The following NACC2 variants were observed in gnomAD, a reference collection of about 807,000 sequenced individuals.
NACC2 encodes NACC family member 2, also known as nucleus accumbens-associated protein 2.
A neutral mutation model predicts 25.1 loss-of-function variants in NACC2; 8 were observed. The ratio of observed to expected loss-of-function variants is 0.32; its 90% CI spans 0.19 to 0.57. NACC2 has a LOEUF of 0.57. Ranked by LOEUF, NACC2 falls within the 20% of genes least tolerant of loss-of-function variation. The probability of loss-of-function intolerance (pLI) is 0.89; values close to 1 mark genes in which losing one functional copy is unlikely to be tolerated. For synonymous variants in NACC2, 435 were observed against 294.7 expected (o/e 1.48, Z -4.88); for missense variants, 644 against 650.2 (o/e 0.99, Z 0.10).
At chr9:136,054,751 G>A (rs1840899552) in intron 1 of NACC2, among the ~76,000 whole-genome samples, 1 of 151,964 alleles carries the variant, frequency 6.6e-6, no homozygotes, top group African/African-American at 2.4e-5. Context: ...TCCCCTTCTC[G>A]GTGAGATTCA....
In NACC2 at chr9:136,086,495, G is replaced by A. The variant is rs1416144141; in HGVS notation, c.-60+8694C>T. Reference sequence around the variant, plus strand: ...CTGGCTTGGTGTGGGCCCCAGGGACGTCGCATGCCCCCAGCTTCCCGACAG... The same window carrying A: ...CTGGCTTGGTGTGGGCCCCAGGGACATCGCATGCCCCCAGCTTCCCGACAG... On this transcript the variant is annotated intron_variant, in intron 1 of 5. Coordinates refer to ENST00000277554, the MANE Select transcript of NACC2 (RefSeq NM_144653.5). The surrounding 1 kb of genome is among the most constrained non-coding windows in gnomAD (Gnocchi z 5.6). 2.6e-5 allele frequency among the ~76,000 whole-genome samples: 4 copies of A among 152,074 alleles called. No homozygotes were observed. The highest frequency in any genetic ancestry group is 6.6e-5 in the Admixed American group (1 of 15,260).
chr9:136,012,132 TG>T, intron 5 of NACC2, 108 bp from the exon 6 acceptor site: 1 of 1,341,362 alleles, frequency 7.5e-7, no homozygotes, highest in Non-Finnish European at 9.8e-7. Context: ...CGGCCGCTCC[TG>T]GGGCCCATGT....
chr9:136,049,693 T>C lies in NACC2; in HGVS notation c.829A>G (p.Thr277Ala), dbSNP rs1840786455. The part of the protein sequence containing the change: ...EDEEDDEAYD[T>A]MVEEQYGQMY... The stretch of plus-strand genomic sequence containing the variant: ...TGGCCGTACTGCTCCTCCACCATGG[T>C]GTCGTAGGCCTCGTCGTCCTCCTCG... Residue 277 changes from threonine (T) to alanine (A), a missense_variant, in exon 2 of 6, where the codon ACC becomes GCC. Coordinates refer to ENST00000277554, the MANE Select transcript of NACC2 (RefSeq NM_144653.5). The C allele has an allele frequency of 1.3e-6, 1 of 779,130 alleles. No homozygotes were observed. Among genetic ancestry groups the C allele is most frequent in the Admixed American group, 1.7e-5 (1 of 58,986 alleles). 48.3% of individuals were successfully genotyped at this position (779,130 alleles called of 1,614,324 possible).
chr9:136,045,642 C>T (rs1840711738), intron 2 of NACC2, among the ~76,000 whole-genome samples: 1 of 152,210 alleles, frequency 6.6e-6, no homozygotes, highest in Admixed American at 6.5e-5. Context: ...GGCACTACCC[C>T]TTCCCTCTGC....
chr9:136,063,890 A>AC (rs1167666802), intron 1 of NACC2, among the ~76,000 whole-genome samples: 2 of 151,790 alleles, frequency 1.3e-5, no homozygotes, highest in African/African-American at 4.8e-5. Flanking sequence ...TCTCAAAAAA[A>AC]AAAAAAACAA....
intron 1 of NACC2, among the ~76,000 whole-genome samples, chr9:136,060,641 GCAC>G (rs1040394803): frequency 4.2e-4 from 64 of 152,378 alleles, no homozygotes; most frequent in African/African-American, 1.3e-3. Context: ...CCGCACCCCA[GCAC>G]CACATGCTTA....
At chr9:136,067,828 A>G (rs1027621215) in intron 1 of NACC2, among the ~76,000 whole-genome samples, 2 of 152,202 alleles carry the variant, frequency 1.3e-5, no homozygotes, top group Admixed American at 1.3e-4. Flanking sequence ...GCGAGACGCC[A>G]TCTCAAAAAC....
rs991123335 is a variant in NACC2 at position 136,018,177 on chromosome 9, C to T, written c.887-1748G>A. Reference sequence around the variant, plus strand: ...ACGCTCAGAGGCAGGTGCACCTGGCCATGCTGTCCCTGTTCCCAGTCCCTC... The same window carrying T: ...ACGCTCAGAGGCAGGTGCACCTGGCTATGCTGTCCCTGTTCCCAGTCCCTC... On this transcript the variant is annotated intron_variant, in intron 2 of 5. Transcript: ENST00000277554. This position sits in a 1 kb window ranked among gnomAD's most constrained non-coding sequence, Gnocchi z 4.4. Among the ~76,000 whole-genome samples the T allele has an allele frequency of 1.3e-5, 2 of 152,176 alleles. No individual in the cohort carries two copies. Among genetic ancestry groups the T allele is most frequent in the South Asian group, 2.1e-4 (1 of 4,836 alleles).
intron 2 of NACC2, among the ~76,000 whole-genome samples, chr9:136,017,439 G>T (rs755716518): frequency 6.6e-6 from 1 of 152,030 alleles, no homozygotes; most frequent in African/African-American, 2.4e-5. Context: ...CACCAGGTGC[G>T]CGGGGCCAAG....
chr9:136,013,840 TCCAGCACTCCTGCC>T lies in NACC2; in HGVS notation c.1157+10_1157+23del. On this transcript the variant is annotated intron_variant, in intron 4 of 5. Coordinates refer to ENST00000277554, the MANE Select transcript of NACC2 (RefSeq NM_144653.5). This position sits in a 1 kb window ranked among gnomAD's most constrained non-coding sequence, Gnocchi z 6.6. ...AACCCTCCGCAGCTCCATTGTGCCC[TCCAGCACTCCTGCC>T]CCGACCTACCTGTCAAAGAAGGTGG... 1 of 1,603,470 alleles carries T rather than the reference TCCAGCACTCCTGCC, an allele frequency of 6.2e-7. No homozygotes were observed. The highest frequency in any genetic ancestry group is 8.5e-7 in the Non-Finnish European group (1 of 1,172,436).
chr9:136,066,536 G>T (rs111909442), intron 1 of NACC2, among the ~76,000 whole-genome samples: 15 of 152,272 alleles, frequency 9.9e-5, no homozygotes, highest in African/African-American at 3.6e-4. Flanking sequence ...TGTAGCGATC[G>T]GGAATGCAAA....
rs1564227866 is a variant in NACC2, at chr9:136,042,683, TACACACACAGACAC to T, written c.886+6939_886+6952del. On this transcript the variant is annotated intron_variant, in intron 2 of 5. Transcript: ENST00000277554. ...AGAAACACACACAGACACACAGACATACACACACAGACACACACACAGACACAGAGACACACACA... is the reference window on the plus strand; with the variant it reads ...AGAAACACACACAGACACACAGACATACACACAGACACAGAGACACACACA... Among the ~76,000 whole-genome samples, 6 of 127,342 alleles carry T rather than the reference TACACACACAGACAC, an allele frequency of 4.7e-5. No homozygotes were observed. In the South Asian group the frequency reaches 1.6e-3, roughly 34 times the overall value. 83.5% of individuals were successfully genotyped at this position (127,342 alleles called of 152,430 possible).
chr9:136,081,270 G>C (rs938594964), intron 1 of NACC2, among the ~76,000 whole-genome samples: 2 of 152,162 alleles, frequency 1.3e-5, no homozygotes, highest in Non-Finnish European at 2.9e-5. Context: ...GGACAGGGCA[G>C]GGGTCAGCAT....
intron 5 of NACC2, among the ~76,000 whole-genome samples, chr9:136,012,983 C>A (rs934580273): frequency 6.6e-6 from 1 of 152,266 alleles, no homozygotes; most frequent in Non-Finnish European, 1.5e-5. Flanking sequence ...GAATTCATCA[C>A]ACTTGGAAAC....
rs1363998084 is a variant in NACC2 at position 136,020,406 on chromosome 9, CAG to C, written c.887-3979_887-3978del. On this transcript the variant is annotated intron_variant, in intron 2 of 5. Coordinates refer to ENST00000277554, the MANE Select transcript of NACC2 (RefSeq NM_144653.5). The surrounding 1 kb of genome is among the most constrained non-coding windows in gnomAD (Gnocchi z 4.7). ...GCGAGCCCTGTTCCTGTCCCCAAGG[CAG>C]AGTGTGTCATCGGGGACTCGCCCAG... is the stretch of plus-strand genomic sequence containing the variant. Among the ~76,000 whole-genome samples, 1 of 152,150 alleles carries C rather than the reference CAG, an allele frequency of 6.6e-6. No individual in the cohort carries two copies. The highest frequency in any genetic ancestry group is 2.4e-5 in the African/African-American group (1 of 41,434).
chr9:136,032,070 G>A (rs1377121107), intron 2 of NACC2, among the ~76,000 whole-genome samples: 3 of 143,064 alleles, frequency 2.1e-5, no homozygotes, highest in Non-Finnish European at 4.4e-5. Context: ...TTTCCCTCCC[G>A]CCAGACTCCT....
At chr9:136,062,290 G>A (rs781154352) in intron 1 of NACC2, among the ~76,000 whole-genome samples, 3 of 152,160 alleles carry the variant, frequency 2.0e-5, no homozygotes, top group Non-Finnish European at 4.4e-5. Context: ...GCAGTCACTC[G>A]CTTACCTAGG....
chr9:136,030,647 T>C (rs933479836), intron 2 of NACC2, among the ~76,000 whole-genome samples: 5 of 152,042 alleles, frequency 3.3e-5, no homozygotes, highest in Non-Finnish European at 7.4e-5. Context: ...AACAATTTCA[T>C]GTCAATACAT....
intron 1 of NACC2, among the ~76,000 whole-genome samples, chr9:136,064,825 T>C (rs937444795): frequency 2.0e-5 from 3 of 152,230 alleles, no homozygotes; most frequent in Non-Finnish European, 4.4e-5. Context: ...GCTATAAAGC[T>C]ACTGTAATCA....
Sources: gnomAD v4.1 joint callset for allele counts (sites outside exome capture counted in the v4.1 genomes callset) on GRCh38, gnomAD v4.1.1 for gene constraint, Gnocchi (gnomAD v3.1) non-coding constraint, MANE v1.5 for transcripts, NCBI Gene and HGNC (gene_info 2026-07-23, HGNC 2026-07-21) for gene names.